Variants in ATXN7L1 observed in about 807,000 individuals in gnomAD.
ATXN7L1 encodes the protein ataxin 7 like 1.
In ATXN7L1, 15 loss-of-function variants were observed where a neutral mutation model predicts 70.8. The ratio of observed to expected loss-of-function variants is 0.21; its 90% CI spans 0.14 to 0.33. ATXN7L1 has a LOEUF of 0.33. ATXN7L1 is among the 10% of genes least tolerant of loss of function. The pLI, the probability that ATXN7L1 is intolerant of heterozygous loss-of-function variation, is 1.00. For missense variants in ATXN7L1, 975 were observed against 1,097.1 expected, an observed-to-expected ratio of 0.89 and a Z score of 1.57; for synonymous variants, 440 against 445.1, an observed-to-expected ratio of 0.99 and a Z score of 0.14.
chr7:105,619,514 ATATATATATATATATATTTTTTTTTT>A (rs1794529983), intron 9 of ATXN7L1, among the ~76,000 whole-genome samples: 1 of 16,402 alleles, frequency 6.1e-5, no homozygotes, highest in East Asian at 1.5e-3. Flanking sequence ...ATATATATAT[ATATATATATATATATATTTTTTTTTT>A]TTTTTTTTTT....
At chr7:105,745,345 G>C (rs540016087) in intron 3 of ATXN7L1, among the ~76,000 whole-genome samples, 5 of 152,164 alleles carry the variant, frequency 3.3e-5, no homozygotes, top group African/African-American at 9.6e-5. Context: ...CCTCTCCCCA[G>C]AGGAGCACTC....
chr7:105,710,313 C>T (rs981572273), intron 3 of ATXN7L1, among the ~76,000 whole-genome samples: 1 of 151,016 alleles, frequency 6.6e-6, no homozygotes, highest in Non-Finnish European at 1.5e-5. Flanking sequence ...AGGAAACTTA[C>T]AATCATGGTA....
At chr7:105,701,626 C>T (rs576928803) in intron 3 of ATXN7L1, among the ~76,000 whole-genome samples, 7 of 152,300 alleles carry the variant, frequency 4.6e-5, no homozygotes, top group Admixed American at 6.5e-5. Context: ...CCATCCCATC[C>T]TCAAGTCAAA....
Position 105,605,720 on chromosome 7 carries a change from T to C in ATXN7L1, c.*2132A>G, listed in dbSNP as rs941970995. ...AAGTTTTACAACTCAAAATAAATTA[T>C]AAAAAACAACAGACCTCTGAAACCG... On this transcript the variant is annotated 3_prime_UTR_variant, in exon 12 of 12. Coordinates refer to ENST00000419735, the MANE Select transcript of ATXN7L1 (RefSeq NM_020725.2). The C allele has an allele frequency of 2.3e-4, 35 of 152,140 alleles. No homozygotes were observed. Among genetic ancestry groups the C allele is most frequent in the Non-Finnish European group, 4.1e-4 (28 of 68,016 alleles). 9.4% of individuals were successfully genotyped at this position (152,140 alleles called of 1,614,324 possible). A position where few individuals can be genotyped will look rare whatever the true frequency, so the allele number is the denominator to read the frequency against.
In ATXN7L1 at chr7:105,605,041, G is replaced by GTTTTTTT. The variant is rs1792693724; in HGVS notation, c.*2810_*2811insAAAAAAA. The stretch of plus-strand genomic sequence containing the variant: ...AGAAGGCATACAAGTTATCCAAGTC[G>GTTTTTTT]CTTTTTTTTTTTTTTTTTTTTTTTT... On this transcript the variant is annotated 3_prime_UTR_variant, in exon 12 of 12. Coordinates refer to ENST00000419735, the MANE Select transcript of ATXN7L1 (RefSeq NM_020725.2). The GTTTTTTT allele has an allele frequency of 1.7e-5, 1 of 58,774 alleles. No homozygotes were observed. Among genetic ancestry groups the GTTTTTTT allele is most frequent in the African/African-American group, 5.7e-5 (1 of 17,506 alleles). 3.6% of individuals were successfully genotyped at this position (58,774 alleles called of 1,614,324 possible). A position where few individuals can be genotyped will look rare whatever the true frequency, so the allele number is the denominator to read the frequency against.
rs578114225 is a variant in ATXN7L1, at chr7:105,688,492, G to A, written c.356-23204C>T. 1.4e-3 allele frequency among the ~76,000 whole-genome samples: 208 copies of A among 152,068 alleles called. 2 individuals carry two copies. Among genetic ancestry groups the A allele is most frequent in the African/African-American group, 4.9e-3 (204 of 41,494 alleles). ...CAGGAGGTAGAGGCTGCAGTGAGCC[G>A]TGATCGTGCCACTGCACTCTAGCCT... On this transcript the variant is annotated intron_variant, in intron 3 of 11. Coordinates refer to ENST00000419735, the MANE Select transcript of ATXN7L1 (RefSeq NM_020725.2).
At chr7:105,682,829 T>C (rs904412474) in intron 3 of ATXN7L1, among the ~76,000 whole-genome samples, 1 of 152,178 alleles carries the variant, frequency 6.6e-6, no homozygotes, top group Admixed American at 6.5e-5. Flanking sequence ...AGGTTTTATT[T>C]TGGAGTGTGA....
At chr7:105,760,540 C>A in intron 3 of ATXN7L1, 2 of 985,872 alleles carry the variant, frequency 2.0e-6, no homozygotes. Flanking sequence ...ATGTCACGCT[C>A]CAGCTATCAC....
intron 3 of ATXN7L1, among the ~76,000 whole-genome samples, chr7:105,723,167 G>A (rs1205410950): frequency 1.3e-5 from 2 of 152,164 alleles, no homozygotes; most frequent in Non-Finnish European, 1.5e-5. Flanking sequence ...AAAGCAGAGG[G>A]GCTAAGAGGG....
intron 2 of ATXN7L1, among the ~76,000 whole-genome samples, chr7:105,852,358 C>A (rs1480139601): frequency 6.6e-6 from 1 of 152,208 alleles, no homozygotes; most frequent in Non-Finnish European, 1.5e-5. Context: ...TCCTAACCCT[C>A]CCTATACAAC....
rs532008271 is a variant in ATXN7L1 at position 105,841,242 on chromosome 7, G to A, written c.250+34570C>T. On this transcript the variant is annotated intron_variant, in intron 2 of 11. Coordinates refer to ENST00000419735, the MANE Select transcript of ATXN7L1 (RefSeq NM_020725.2). ...AGAGCATGAGACCGCAGGTTCTGCA[G>A]TTGAAATGCCTGTCCTGGAGCACTG... Among the ~76,000 whole-genome samples, 7 of 152,308 alleles carry A rather than the reference G, an allele frequency of 4.6e-5. No homozygotes were observed. The South Asian group carries it at 1.4e-3, about 32-fold the overall frequency.
At chr7:105,764,447 G>C (rs1412308949) in intron 3 of ATXN7L1, among the ~76,000 whole-genome samples, 1 of 152,196 alleles carries the variant, frequency 6.6e-6, no homozygotes, top group African/African-American at 2.4e-5. Flanking sequence ...CAGATCTACT[G>C]AATCAGAAAC....
At chr7:105,616,395 T>C (rs777224665) in intron 9 of ATXN7L1, among the ~76,000 whole-genome samples, 5 of 152,224 alleles carry the variant, frequency 3.3e-5, no homozygotes, top group Non-Finnish European at 5.9e-5. Context: ...GTGGAGCCTG[T>C]GGCATCCATC....
At chr7:105,710,636 C>T (rs1237161135) in intron 3 of ATXN7L1, among the ~76,000 whole-genome samples, 2 of 151,618 alleles carry the variant, frequency 1.3e-5, no homozygotes, top group Non-Finnish European at 2.9e-5. Flanking sequence ...TGGTCTCGAT[C>T]TCCTGACCTC....
chr7:105,767,244 C>T (rs1801392063), intron 3 of ATXN7L1, among the ~76,000 whole-genome samples: 2 of 152,224 alleles, frequency 1.3e-5, no homozygotes, highest in South Asian at 2.1e-4. Flanking sequence ...ACACAGAAGC[C>T]CCCAAGATTC....
intron 3 of ATXN7L1, chr7:105,760,135 G>T: frequency 1.1e-6 from 1 of 927,574 alleles, no homozygotes; most frequent in Non-Finnish European, 1.3e-6. Flanking sequence ...TTCTCCTCTT[G>T]TCACTCATAC....
rs1554431618 is a variant in ATXN7L1, at chr7:105,692,407, T to TTCCTTCCTTCCTTCCTTCCTTCCCTCCC, written c.356-27120_356-27119insGGGAGGGAAGGAAGGAAGGAAGGAAGGA. Reference sequence around the variant, plus strand: ...CTTCCTTCCTTCCTTCCTTCCTTCCTTCCTTCCTTCCTTCCTTCCTCCCTC... The same window carrying TTCCTTCCTTCCTTCCTTCCTTCCCTCCC: ...CTTCCTTCCTTCCTTCCTTCCTTCCTTCCTTCCTTCCTTCCTTCCTTCCCTCCCTCCTTCCTTCCTTCCTTCCTCCCTC... On this transcript the variant is annotated intron_variant, in intron 3 of 11. Coordinates refer to ENST00000419735, the MANE Select transcript of ATXN7L1 (RefSeq NM_020725.2). 2.4e-3 allele frequency among the ~76,000 whole-genome samples: 199 copies of TTCCTTCCTTCCTTCCTTCCTTCCCTCCC among 82,280 alleles called. 3 individuals carry two copies. Among genetic ancestry groups the TTCCTTCCTTCCTTCCTTCCTTCCCTCCC allele is most frequent in the African/African-American group, 3.8e-3 (89 of 23,322 alleles). The allele number at this position is 82,280 out of a possible 152,430, so 54.0% of individuals were successfully genotyped here. A position where few individuals can be genotyped will look rare whatever the true frequency, so the allele number is the denominator to read the frequency against.
intron 3 of ATXN7L1, among the ~76,000 whole-genome samples, chr7:105,718,115 C>T (rs781307978): frequency 3.9e-5 from 6 of 152,170 alleles, no homozygotes; most frequent in Non-Finnish European, 7.4e-5. Context: ...AAACCTCTCC[C>T]CTTTTAAAAC....
chr7:105,610,992 T>G (rs1793097295), intron 10 of ATXN7L1, among the ~76,000 whole-genome samples: 1 of 152,200 alleles, frequency 6.6e-6, no homozygotes, highest in Non-Finnish European at 1.5e-5. Context: ...CCTCTGACCC[T>G]CCGTCCCAAA....
Sources: allele counts gnomAD v4.1 joint callset (sites outside exome capture counted in the v4.1 genomes callset), GRCh38; gene constraint gnomAD v4.1.1; transcripts MANE v1.5; gene names NCBI Gene and HGNC (gene_info 2026-07-23, HGNC 2026-07-21).